Variants in METTL24 observed in about 807,000 individuals in gnomAD.
The protein encoded by METTL24 is probable methyltransferase-like protein 24.
In METTL24, 29 loss-of-function variants were observed where a neutral mutation model predicts 32.7. That is an observed-to-expected ratio of 0.89 (90% confidence interval 0.66 to 1.21). The LOEUF is 1.21. METTL24 is among the 50% of genes most tolerant of loss of function. The pLI is 0.00. For synonymous variants in METTL24, 163 were observed against 179.5 expected, an observed-to-expected ratio of 0.91 and a Z score of 0.73; for missense variants, 439 against 468.1, an observed-to-expected ratio of 0.94 and a Z score of 0.57.
intron 4 of METTL24, among the ~76,000 whole-genome samples, chr6:110,255,485 CA>C (rs1778365301): frequency 6.6e-6 from 1 of 152,098 alleles, no homozygotes; most frequent in Non-Finnish European, 1.5e-5. Flanking sequence ...AACCAAGCAG[CA>C]CAAACGTAGG....
intron 1 of METTL24, among the ~76,000 whole-genome samples, chr6:110,325,519 A>AG (rs200856665): frequency 1.6e-4 from 25 of 152,230 alleles, no homozygotes; most frequent in African/African-American, 5.3e-4. Flanking sequence ...CTGGCCTAAA[A>AG]GGGGGGGTTG....
chr6:110,352,593 C>CTT (rs75737659), intron 1 of METTL24, among the ~76,000 whole-genome samples: 94 of 145,698 alleles, frequency 6.5e-4, no homozygotes, highest in African/African-American at 1.5e-3. Context: ...ATTTTCATAT[C>CTT]TTTTTTTTTT....
chr6:110,271,379 C>T (rs1336966555), intron 4 of METTL24, among the ~76,000 whole-genome samples: 1 of 152,082 alleles, frequency 6.6e-6, no homozygotes, highest in East Asian at 1.9e-4. Flanking sequence ...CACTGCAACC[C>T]CCACCTCCCT....
At chr6:110,300,871 C>T (rs1771506234) in intron 3 of METTL24, among the ~76,000 whole-genome samples, 1 of 152,148 alleles carries the variant, frequency 6.6e-6, no homozygotes, top group African/African-American at 2.4e-5. Flanking sequence ...AGTATAATCA[C>T]TATTACATGG....
chr6:110,318,609 G>A (rs1443876185), intron 2 of METTL24, among the ~76,000 whole-genome samples: 18 of 141,216 alleles, frequency 1.3e-4, no homozygotes, highest in Admixed American at 9.1e-4. Flanking sequence ...CCGAGATTGC[G>A]CCACTGCACT....
intron 1 of METTL24, among the ~76,000 whole-genome samples, chr6:110,339,827 T>G (rs529696128): frequency 6.6e-6 from 1 of 152,326 alleles, no homozygotes. Flanking sequence ...TAAACGATTG[T>G]AGAGATGACA....
intron 3 of METTL24, among the ~76,000 whole-genome samples, chr6:110,312,245 G>A (rs938821356): frequency 6.6e-6 from 1 of 152,186 alleles, no homozygotes; most frequent in African/African-American, 2.4e-5. Flanking sequence ...TTTACACACT[G>A]GTTTTGGGGA....
Position 110,299,030 on chromosome 6 carries a change from G to T in METTL24, c.678C>A (p.His226Gln), listed in dbSNP as rs1201305465. The change falls in exon 4 of 5, where the codon CAC (histidine) becomes CAA (glutamine). Residue 226 changes from histidine to glutamine, a missense_variant. His to Gln is a conservative substitution (Grantham distance 24, BLOSUM62 0). Coordinates refer to ENST00000338882, the MANE Select transcript of METTL24 (RefSeq NM_001123364.3). ...GATCCCGCCAGTCAATGGACAAGCG[G>T]TGATACCAAAGGTGCTGACTCTCCA... ...HILESQHLWY[H>Q]RLSIDWRDPH... 2.5e-6 allele frequency: 4 copies of T among 1,614,216 alleles called. No homozygotes were observed. The East Asian group carries it at 8.9e-5, about 36-fold the overall frequency.
intron 4 of METTL24, among the ~76,000 whole-genome samples, chr6:110,264,187 C>A (rs1770810168): frequency 6.6e-6 from 1 of 151,590 alleles, no homozygotes; most frequent in Non-Finnish European, 1.5e-5. Flanking sequence ...AACAGGCAAC[C>A]CACAGAATGG....
Position 110,251,942 on chromosome 6 carries a change from G to A in METTL24, c.787-5682C>T, listed in dbSNP as rs144586189. ...GTGGATCACTTGAGGCCAGGATTTCGAGACCAGCCTAGCCAACATGGCGAA... is the reference window on the plus strand; with the variant it reads ...GTGGATCACTTGAGGCCAGGATTTCAAGACCAGCCTAGCCAACATGGCGAA... On this transcript the variant is annotated intron_variant, in intron 4 of 4. Coordinates refer to ENST00000338882, the MANE Select transcript of METTL24 (RefSeq NM_001123364.3). Among the ~76,000 whole-genome samples the A allele has an allele frequency of 7.2e-4, 109 of 152,214 alleles. 1 individual carries two copies. In the East Asian group the frequency reaches 0.018, roughly 25 times the overall value.
chr6:110,322,728 G>A, intron 2 of METTL24, 46 bp downstream of exon 2: 1 of 1,507,736 alleles, frequency 6.6e-7, no homozygotes, highest in Non-Finnish European at 9.1e-7. Context: ...GAGGCAATCA[G>A]GATCTTTCAC....
intron 4 of METTL24, among the ~76,000 whole-genome samples, chr6:110,260,185 C>G (rs1023671241): frequency 6.6e-6 from 1 of 152,110 alleles, no homozygotes; most frequent in Non-Finnish European, 1.5e-5. Context: ...GGAGGAAGTT[C>G]GAACCCACGG....
At chr6:110,340,161 G>A (rs1189638993) in intron 1 of METTL24, among the ~76,000 whole-genome samples, 2 of 151,820 alleles carry the variant, frequency 1.3e-5, no homozygotes, top group African/African-American at 4.8e-5. Flanking sequence ...CTAACTTAAG[G>A]AGTCCAGGGC....
chr6:110,246,173 GTCC>G lies in METTL24; in HGVS notation c.871_873del (p.Gly291del). 1 of 1,614,130 alleles carries G rather than the reference GTCC, an allele frequency of 6.2e-7. No individual in the cohort carries two copies. Among genetic ancestry groups the G allele is most frequent in the Non-Finnish European group, 8.5e-7 (1 of 1,180,022 alleles). ...TGGAGATGGATCTCAAAGATGAGCTGTCCAATCTGCTCAAGAACATCTTCCAGA... is the reference window on the plus strand; with the variant it reads ...TGGAGATGGATCTCAAAGATGAGCTGAATCTGCTCAAGAACATCTTCCAGA... On this transcript the variant is annotated inframe_deletion, in exon 5 of 5. Transcript: ENST00000338882.
intron 4 of METTL24, among the ~76,000 whole-genome samples, chr6:110,291,575 T>A (rs1341469930): frequency 6.6e-6 from 1 of 152,220 alleles, no homozygotes; most frequent in Non-Finnish European, 1.5e-5. Context: ...TAGGAGTACA[T>A]GTGCAGGTTT....
chr6:110,356,129 A>T (rs60731353), intron 1 of METTL24, among the ~76,000 whole-genome samples: 44,182 of 152,132 alleles, frequency 0.29, 6,816 homozygotes, highest in Non-Finnish European at 0.33. Flanking sequence ...GGGGAATAAA[A>T]GAAGCCCCAC....
chr6:110,249,107 G>A (rs1246192041), intron 4 of METTL24, among the ~76,000 whole-genome samples: 1 of 151,920 alleles, frequency 6.6e-6, no homozygotes, highest in Non-Finnish European at 1.5e-5. Flanking sequence ...AAAAGACAGA[G>A]TAAAGTTCAT....
At chr6:110,308,814 G>A (rs1771669089) in intron 3 of METTL24, among the ~76,000 whole-genome samples, 3 of 152,124 alleles carry the variant, frequency 2.0e-5, no homozygotes, top group African/African-American at 7.2e-5. Context: ...GCTGAACCTT[G>A]AAAATATTAT....
At chr6:110,258,783 T>G (rs959298267) in intron 4 of METTL24, among the ~76,000 whole-genome samples, 3 of 142,966 alleles carry the variant, frequency 2.1e-5, no homozygotes, top group Non-Finnish European at 4.5e-5. Flanking sequence ...GAGTCTTAGA[T>G]GCATTTACAC....
Sources: allele counts gnomAD v4.1 joint callset (sites outside exome capture counted in the v4.1 genomes callset), GRCh38; gene constraint gnomAD v4.1.1; transcripts MANE v1.5; gene names NCBI Gene and HGNC (gene_info 2026-07-23, HGNC 2026-07-21).